PTER: variants seen among roughly 807,000 people sequenced by gnomAD.
PTER encodes the protein N-acetyltaurine hydrolase.
In PTER, 38 loss-of-function variants were observed where a neutral mutation model predicts 29.6. The ratio of observed to expected loss-of-function variants is 1.28; its 90% CI spans 0.99 to 1.68. The LOEUF is 1.68. Among genes scored for constraint, PTER ranks in the 40% most tolerant of loss-of-function variants. The probability of loss-of-function intolerance (pLI) is 0.00; values close to 1 mark genes in which losing one functional copy is unlikely to be tolerated. For missense variants in PTER, 482 were observed against 427.8 expected (o/e 1.13, Z -1.12); for synonymous variants, 172 against 154.5 (o/e 1.11, Z -0.84).
chr10:16,462,673 T>C (rs996700269), intron 1 of PTER, among the ~76,000 whole-genome samples: 5 of 150,410 alleles, frequency 3.3e-5, no homozygotes, highest in Non-Finnish European at 7.4e-5. Context: ...CAGGTTAAAG[T>C]GATTCTCCTG....
At chr10:16,488,985 C>T (rs1456268437) in intron 3 of PTER, among the ~76,000 whole-genome samples, 1 of 152,158 alleles carries the variant, frequency 6.6e-6, no homozygotes, top group African/African-American at 2.4e-5. Flanking sequence ...TCTGAAAAGC[C>T]TCAGCCATTA....
chr10:16,493,976 C>G (rs902702252), intron 3 of PTER, among the ~76,000 whole-genome samples: 1 of 152,154 alleles, frequency 6.6e-6, no homozygotes, highest in African/African-American at 2.4e-5. Context: ...CCCACCAAAG[C>G]CTTCCACGAG....
chr10:16,471,182 A>G (rs1377787090), intron 1 of PTER, among the ~76,000 whole-genome samples: 2 of 152,242 alleles, frequency 1.3e-5, no homozygotes, highest in Non-Finnish European at 2.9e-5. Flanking sequence ...TTGATCTGAA[A>G]TATTGCGCAG....
chr10:16,478,029 A>G (rs1240541487), intron 1 of PTER, among the ~76,000 whole-genome samples: 1 of 152,224 alleles, frequency 6.6e-6, no homozygotes, highest in Non-Finnish European at 1.5e-5. Context: ...GGTGATAACC[A>G]TTGTATTCAA....
chr10:16,439,264 A>G lies in PTER; in HGVS notation c.-49+2217A>G, dbSNP rs184145094. Among the ~76,000 whole-genome samples the G allele has an allele frequency of 9.5e-4, 145 of 152,230 alleles. 1 individual carries two copies. The highest frequency in any genetic ancestry group is 3.2e-3 in the African/African-American group (132 of 41,554). On this transcript the variant is annotated intron_variant, in intron 1 of 4. Transcript: ENST00000535784. ...GTGGCTTTTCTGGAGGGACTTAGGG[A>G]AAGATCAGTTTCACTGGGCAAATTT...
chr10:16,437,133 G>C (rs543604144), intron 1 of PTER, 86 bp downstream of exon 1: 2 of 152,494 alleles, frequency 1.3e-5, no homozygotes, highest in South Asian at 4.1e-4. Context: ...CGCGCGGCCA[G>C]GGTTCGCTGC....
intron 3 of PTER, among the ~76,000 whole-genome samples, chr10:16,488,690 C>G (rs1835791444): frequency 6.6e-6 from 1 of 151,956 alleles, no homozygotes; most frequent in Non-Finnish European, 1.5e-5. Flanking sequence ...TGCAGCCTCA[C>G]CCTCCCAAGT....
chr10:16,442,795 C>A (rs978173166), intron 1 of PTER, among the ~76,000 whole-genome samples: 1 of 152,196 alleles, frequency 6.6e-6, no homozygotes, highest in South Asian at 2.1e-4. Flanking sequence ...GCCTGGCCAA[C>A]ATGGCGAAAC....
intron 3 of PTER, among the ~76,000 whole-genome samples, chr10:16,502,510 C>A (rs1175238083): frequency 6.6e-6 from 1 of 152,020 alleles, no homozygotes; most frequent in African/African-American, 2.4e-5. Flanking sequence ...TTTTTAGCCT[C>A]CCTGCCTAAA....
intron 1 of PTER, among the ~76,000 whole-genome samples, chr10:16,483,340 T>TA (rs972717266): frequency 7.9e-5 from 12 of 152,326 alleles, no homozygotes; most frequent in Admixed American, 7.8e-4. Context: ...CTGTGTGCCC[T>TA]AGACAATCAA....
At chr10:16,466,453 T>G (rs1834834464) in intron 1 of PTER, among the ~76,000 whole-genome samples, 1 of 152,100 alleles carries the variant, frequency 6.6e-6, no homozygotes, top group Middle Eastern at 3.2e-3. Context: ...CCTCCCCAAT[T>G]CAAGTGATTC....
downstream of PTER, among the ~76,000 whole-genome samples, chr10:16,518,257 A>T (rs10904762): frequency 0.15 from 23,017 of 152,240 alleles, 2,060 homozygotes; most frequent in African/African-American, 0.25. Flanking sequence ...TAATCTAGAG[A>T]TAAAATTCCT....
At chr10:16,439,762 T>G (rs1436838617) in intron 1 of PTER, among the ~76,000 whole-genome samples, 1 of 152,142 alleles carries the variant, frequency 6.6e-6, no homozygotes, top group Non-Finnish European at 1.5e-5. Context: ...GGGGTCTTGT[T>G]TTGTTGCCCA....
At chr10:16,473,807 A>G (rs1472260807) in intron 1 of PTER, among the ~76,000 whole-genome samples, 1 of 152,228 alleles carries the variant, frequency 6.6e-6, no homozygotes, top group Non-Finnish European at 1.5e-5. Flanking sequence ...GGAGCATTTA[A>G]AAGCTTCTCA....
At chr10:16,500,519 T>TGGGATTACA (rs1241479134) in intron 3 of PTER, among the ~76,000 whole-genome samples, 2 of 152,204 alleles carry the variant, frequency 1.3e-5, no homozygotes, top group Non-Finnish European at 2.9e-5. Flanking sequence ...CCCAAAGTGC[T>TGGGATTACA]GGGATTACAG....
chr10:16,503,447 C>T (rs1461716174), intron 3 of PTER, among the ~76,000 whole-genome samples: 2 of 151,776 alleles, frequency 1.3e-5, no homozygotes, highest in African/African-American at 2.4e-5. Context: ...CTCTGTTGCC[C>T]AGGCTGGAGT....
intron 1 of PTER, chr10:16,476,140 A>G (rs997253978): frequency 1.3e-5 from 2 of 152,038 alleles, no homozygotes; most frequent in African/African-American, 2.4e-5. Flanking sequence ...CTGGAGTGCA[A>G]TGGTACGGCC....
chr10:16,468,123 C>A (rs930685001), intron 1 of PTER, among the ~76,000 whole-genome samples: 1 of 152,202 alleles, frequency 6.6e-6, no homozygotes, highest in African/African-American at 2.4e-5. Context: ...AGGCGGATCA[C>A]TTTAGGTCAG....
chr10:16,499,772 A>G (rs11254031), intron 3 of PTER, among the ~76,000 whole-genome samples: 10,638 of 151,268 alleles, frequency 0.07, 752 homozygotes, highest in African/African-American at 0.17. Context: ...CCTTCACGTT[A>G]ATGTTTAGTT....
Sources: allele counts gnomAD v4.1 joint callset (sites outside exome capture counted in the v4.1 genomes callset), GRCh38; gene constraint gnomAD v4.1.1; transcripts MANE v1.5; gene names NCBI Gene and HGNC (gene_info 2026-07-23, HGNC 2026-07-21).